PITPNC1: variants seen among roughly 807,000 people sequenced by gnomAD.
The protein encoded by PITPNC1 is phosphatidylinositol transfer protein cytoplasmic 1, also known as cytoplasmic phosphatidylinositol transfer protein 1.
In PITPNC1, 18 loss-of-function variants were observed where a neutral mutation model predicts 44.7. The observed-to-expected ratio is 0.40, with a 90% CI of 0.28 to 0.60. The LOEUF is 0.60. Among genes scored for constraint, PITPNC1 ranks in the 20% least tolerant of loss-of-function variants. PITPNC1 has a pLI of 0.39. For missense variants in PITPNC1, 290 were observed against 418.4 expected, an observed-to-expected ratio of 0.69 and a Z score of 2.68; for synonymous variants, 141 against 149.6, an observed-to-expected ratio of 0.94 and a Z score of 0.42.
At chr17:67,503,880 G>A (rs1747476029) in intron 1 of PITPNC1, among the ~76,000 whole-genome samples, 1 of 152,160 alleles carries the variant, frequency 6.6e-6, no homozygotes, top group Non-Finnish European at 1.5e-5. Flanking sequence ...AAAACACAGG[G>A]GAGTGACCAG....
At chr17:67,622,514 CTTT>C (rs1254933576) in intron 5 of PITPNC1, among the ~76,000 whole-genome samples, 3 of 118,962 alleles carry the variant, frequency 2.5e-5, no homozygotes, top group Non-Finnish European at 3.5e-5. Context: ...GTAGCCTGGA[CTTT>C]TTTTTTTTTT....
At chr17:67,452,153 A>C (rs977246940) in intron 1 of PITPNC1, among the ~76,000 whole-genome samples, 1 of 151,320 alleles carries the variant, frequency 6.6e-6, no homozygotes, top group African/African-American at 2.4e-5. Flanking sequence ...CTACAGGCAC[A>C]TGCCACCACA....
chr17:67,617,137 G>A (rs913237173), intron 5 of PITPNC1, among the ~76,000 whole-genome samples: 1 of 152,220 alleles, frequency 6.6e-6, no homozygotes, highest in African/African-American at 2.4e-5. Flanking sequence ...GGACAGTGAG[G>A]CCTCAGGGAA....
intron 5 of PITPNC1, among the ~76,000 whole-genome samples, chr17:67,629,753 G>A (rs1192407463): frequency 6.6e-6 from 1 of 152,210 alleles, no homozygotes; most frequent in African/African-American, 2.4e-5. Flanking sequence ...TCCACTGTCT[G>A]TTTCATTTCG....
At chr17:67,607,731 C>CTTT (rs1212042100) in intron 5 of PITPNC1, among the ~76,000 whole-genome samples, 2 of 140,636 alleles carry the variant, frequency 1.4e-5, no homozygotes, top group African/African-American at 2.6e-5. Flanking sequence ...TTTTTTCTTT[C>CTTT]TTTTTTTTTT....
chr17:67,657,072 T>C (rs534586941), intron 6 of PITPNC1, among the ~76,000 whole-genome samples: 23 of 151,624 alleles, frequency 1.5e-4, no homozygotes, highest in Non-Finnish European at 2.8e-4. Flanking sequence ...GAGGAGGGGG[T>C]AGAATGTGAA....
chr17:67,479,081 G>A (rs184211552), intron 1 of PITPNC1, among the ~76,000 whole-genome samples: 5 of 151,962 alleles, frequency 3.3e-5, no homozygotes, highest in East Asian at 3.9e-4. Flanking sequence ...AAAATCTCCC[G>A]ATCCAAACCA....
At chr17:67,583,699 CTTT>C (rs201183445) in intron 5 of PITPNC1, among the ~76,000 whole-genome samples, 4 of 139,248 alleles carry the variant, frequency 2.9e-5, no homozygotes, top group African/African-American at 2.6e-5. Context: ...CATTGGGATT[CTTT>C]TTTTTTTTTT....
Position 67,463,668 on chromosome 17 carries a change from G to C in PITPNC1, c.49-69134G>C, listed in dbSNP as rs144171924. ...TAATCCCAGCACCTTGGGAGGCTGA[G>C]GTGGGCAGATAGCTTGAGCTCAGGA... On this transcript the variant is annotated intron_variant, in intron 1 of 8. Transcript: ENST00000581322. 5.2e-3 allele frequency among the ~76,000 whole-genome samples: 797 copies of C among 152,302 alleles called. 5 individuals carry two copies. The highest frequency in any genetic ancestry group is 0.018 in the African/African-American group (763 of 41,560).
chr17:67,432,649 T>G (rs2038874359), intron 1 of PITPNC1, among the ~76,000 whole-genome samples: 1 of 152,206 alleles, frequency 6.6e-6, no homozygotes, highest in African/African-American at 2.4e-5. Context: ...ATTCAAAGGG[T>G]TGGACATGGC....
intron 1 of PITPNC1, among the ~76,000 whole-genome samples, chr17:67,407,738 G>T (rs2038421476): frequency 6.6e-6 from 1 of 151,510 alleles, no homozygotes; most frequent in African/African-American, 2.4e-5. Flanking sequence ...AGGTTGCGGT[G>T]AGCCGAGATC....
At chr17:67,661,251 T>A (rs886799234) in intron 6 of PITPNC1, among the ~76,000 whole-genome samples, 1 of 151,954 alleles carries the variant, frequency 6.6e-6, no homozygotes, top group African/African-American at 2.4e-5. Context: ...CTGGCAAAAT[T>A]AATAGAGAAG....
intron 6 of PITPNC1, among the ~76,000 whole-genome samples, chr17:67,663,085 CAT>C (rs1304792407): frequency 6.6e-6 from 1 of 152,170 alleles, no homozygotes; most frequent in Non-Finnish European, 1.5e-5. Context: ...AGCTCTGTTT[CAT>C]ATGTTTGTTG....
chr17:67,620,679 A>G (rs1199384551), intron 5 of PITPNC1, among the ~76,000 whole-genome samples: 1 of 152,160 alleles, frequency 6.6e-6, no homozygotes, highest in East Asian at 1.9e-4. Flanking sequence ...ATTGTCCACC[A>G]GAAAGGGTTC....
chr17:67,411,643 A>G (rs1355376302), intron 1 of PITPNC1, among the ~76,000 whole-genome samples: 1 of 152,012 alleles, frequency 6.6e-6, no homozygotes, highest in Admixed American at 6.6e-5. Context: ...GAACCTGAAG[A>G]CCAGAAGGCA....
rs192441909 is a variant in PITPNC1 at position 67,432,424 on chromosome 17, C to T, written c.48+54222C>T. 4.0e-3 allele frequency among the ~76,000 whole-genome samples: 614 copies of T among 152,106 alleles called. 4 individuals carry two copies. Among genetic ancestry groups the T allele is most frequent in the African/African-American group, 0.014 (578 of 41,510 alleles). ...AATGGCGTGAACCTGGGAGGTGGAG[C>T]TTGCAGTGAGCCGAGCTTGCAGTGA... On this transcript the variant is annotated intron_variant, in intron 1 of 8. Transcript: ENST00000581322.
chr17:67,607,032 A>G (rs1423253386), intron 5 of PITPNC1, among the ~76,000 whole-genome samples: 3 of 152,118 alleles, frequency 2.0e-5, no homozygotes, highest in Non-Finnish European at 4.4e-5. Flanking sequence ...GGAGCGTGTG[A>G]CCTCCAGCAC....
At chr17:67,537,911 G>A (rs2040551862) in intron 2 of PITPNC1, among the ~76,000 whole-genome samples, 1 of 151,722 alleles carries the variant, frequency 6.6e-6, no homozygotes, top group Non-Finnish European at 1.5e-5. Flanking sequence ...GGTGGTGGTT[G>A]CAGTGACCCA....
At chr17:67,566,493 C>T (rs930633408) in intron 4 of PITPNC1, among the ~76,000 whole-genome samples, 2 of 152,160 alleles carry the variant, frequency 1.3e-5, no homozygotes, top group Non-Finnish European at 2.9e-5. Context: ...CATGAGCCAC[C>T]CACAGGGCCT....
Sources: gnomAD v4.1 joint callset for allele counts (sites outside exome capture counted in the v4.1 genomes callset) on GRCh38, gnomAD v4.1.1 for gene constraint, MANE v1.5 for transcripts, NCBI Gene and HGNC (gene_info 2026-07-23, HGNC 2026-07-21) for gene names.